Variants in DHX36 observed in about 807,000 individuals in gnomAD.
The protein encoded by DHX36 is ATP-dependent DNA/RNA helicase DHX36.
Under a neutral mutation model 139.0 loss-of-function variants are expected in DHX36, and 50 were observed. The observed-to-expected ratio is 0.36, with a 90% CI of 0.29 to 0.46. DHX36 has a LOEUF of 0.46. DHX36 is among the 20% of genes least tolerant of loss of function. DHX36 has a pLI of 1.00. For synonymous variants in DHX36, 425 were observed against 401.9 expected (o/e 1.06, Z -0.69); for missense variants, 1,024 against 1,211.3 (o/e 0.85, Z 2.29).
intron 12 of DHX36, among the ~76,000 whole-genome samples, chr3:154,296,240 C>A (rs932521868): frequency 1.3e-5 from 2 of 152,080 alleles, no homozygotes; most frequent in African/African-American, 2.4e-5. Flanking sequence ...TTTGGGAGGC[C>A]GAGGCGGGCG....
In DHX36 at chr3:154,277,539, T is replaced by C. The variant is rs532727715; in HGVS notation, c.2688+59A>G. The C allele has an allele frequency of 1.3e-5, 20 of 1,491,484 alleles. No individual in the cohort carries two copies. The African/African-American group carries it at 2.7e-4, about 20-fold the overall frequency. The allele number at this position is 1,491,484 out of a possible 1,614,324, so 92.4% of individuals were successfully genotyped here. On this transcript the variant is annotated intron_variant, in intron 23 of 24. Transcript: ENST00000496811. ...GTATATAATTGTTAAAACTACACAA[T>C]CATAAAAATACAATGAGACTGATAA...
intron 12 of DHX36, among the ~76,000 whole-genome samples, chr3:154,296,529 CAT>C (rs1175529956): frequency 6.6e-6 from 1 of 152,128 alleles, no homozygotes; most frequent in African/African-American, 2.4e-5. Context: ...ACATTTTACA[CAT>C]ATTTTGTTAA....
intron 8 of DHX36, 64 bp downstream of exon 8, chr3:154,304,742 T>C: frequency 8.1e-7 from 1 of 1,234,534 alleles, no homozygotes; most frequent in Non-Finnish European, 1.1e-6. Context: ...CCTAGTACCA[T>C]ATTAATTTTT....
chr3:154,292,726 A>AAC (rs58416816), intron 14 of DHX36, 32 bp from the exon 15 acceptor site: 40,357 of 1,512,602 alleles, frequency 0.027, 525 homozygotes, highest in East Asian at 0.15. Flanking sequence ...AAAATGTTAA[A>AAC]ACACACACAC....
At chr3:154,285,373 G>C (rs1460716102) in intron 17 of DHX36, among the ~76,000 whole-genome samples, 1 of 152,136 alleles carries the variant, frequency 6.6e-6, no homozygotes, top group Non-Finnish European at 1.5e-5. Context: ...TTTAGGTGAC[G>C]CGAGACAGAA....
intron 17 of DHX36, among the ~76,000 whole-genome samples, chr3:154,286,589 T>C (rs1362229192): frequency 1.3e-5 from 2 of 151,472 alleles, no homozygotes; most frequent in Admixed American, 6.6e-5. Flanking sequence ...TAAAGACATA[T>C]AAAACCCCAA....
chr3:154,279,487 C>T (rs1285161852), intron 22 of DHX36: 1 of 152,128 alleles, frequency 6.6e-6, no homozygotes, highest in African/African-American at 2.4e-5. Context: ...AAATTTCTGG[C>T]CAAGTATTAT....
rs774482192 is a variant in DHX36 at position 154,295,305 on chromosome 3, C to G, written c.1584G>C (p.Met528Ile). The change falls in exon 13 of 25, where the codon ATG becomes ATC. Residue 528 changes from methionine (M) to isoleucine (I), a missense_variant. By Grantham distance (10) the Met-to-Ile change is conservative (BLOSUM62 1). This residue lies in a region of DHX36 where 470 missense variants were observed against 616.2 expected (regional missense o/e 0.76). Transcript: ENST00000496811. The part of the protein sequence containing the change: ...KFLIIPLHSL[M>I]PTVNQTQVFK... ...ATACCTGTGTCTGGTTAACTGTAGG[C>G]ATCAGTGAATGTAAAGGTATAATTA... The G allele has an allele frequency of 6.5e-7, 1 of 1,546,374 alleles. No homozygotes were observed. The highest frequency in any genetic ancestry group is 8.8e-7 in the Non-Finnish European group (1 of 1,138,932).
At chr3:154,280,552 T>A (rs761583165) in intron 22 of DHX36, 27 bp downstream of exon 22, 41 of 1,483,756 alleles carry the variant, frequency 2.8e-5, no homozygotes, top group Non-Finnish European at 3.8e-5. Context: ...GAATTACGAG[T>A]AATTAATAAT....
In DHX36 at chr3:154,301,058, T is replaced by C. The variant is rs1402626875; in HGVS notation, c.1287A>G (p.Arg429=). The C allele has an allele frequency of 6.8e-6, 11 of 1,613,580 alleles. No individual in the cohort carries two copies. The highest frequency in any genetic ancestry group is 9.3e-6 in the Non-Finnish European group (11 of 1,179,916). The change falls in exon 10 of 25, where the codon AGA becomes AGG. Residue 429 remains arginine (R), a synonymous_variant. Transcript: ENST00000496811. ...TTGCTTCTTTTTCTTCTTTTTCTTGTCTATTTACATGCCCTTGCATGAAAC... is the reference window on the plus strand; with the variant it reads ...TTGCTTCTTTTTCTTCTTTTTCTTGCCTATTTACATGCCCTTGCATGAAAC... ...KRGFMQGHVN[R]QEKEEKEAIY...
At position 154,316,536 on chromosome 3, in the gene DHX36, C is replaced by T. The variant is rs111682515; in HGVS notation, c.244-373G>A. On this transcript the variant is annotated intron_variant, in intron 1 of 24. Coordinates refer to ENST00000496811, the MANE Select transcript of DHX36 (RefSeq NM_020865.3). ...AAGTTATTAAAACTCAAATGGTTTA[C>T]GAAAAAAGTTGAAAACTGGAAATAG... Among the ~76,000 whole-genome samples the T allele has an allele frequency of 1.8e-3, 267 of 151,708 alleles. 2 individuals are homozygous for T. The highest frequency in any genetic ancestry group is 6.0e-3 in the African/African-American group (248 of 41,406).
chr3:154,286,248 A>G (rs1032368302), intron 17 of DHX36, among the ~76,000 whole-genome samples: 6 of 150,966 alleles, frequency 4.0e-5, no homozygotes, highest in African/African-American at 1.2e-4. Context: ...TTTAAGAAGA[A>G]TAAGACAAGA....
At chr3:154,306,135 G>T in intron 6 of DHX36, 81 bp downstream of exon 6, 1 of 1,067,408 alleles carries the variant, frequency 9.4e-7, no homozygotes. Flanking sequence ...ATAAAAATGG[G>T]GAAAATATCC....
Position 154,276,130 on chromosome 3 carries a change from T to C in DHX36, c.*41A>G. On this transcript the variant is annotated 3_prime_UTR_variant, in exon 25 of 25. Transcript: ENST00000496811. ...CCAAAATTTAAACAATGATGAAGAA[T>C]GGCTGTCAAACTGGCTTTTCAGACC... The C allele has an allele frequency of 2.5e-6, 4 of 1,575,086 alleles. No individual in the cohort carries two copies. Among genetic ancestry groups the C allele is most frequent in the Admixed American group, 1.9e-5 (1 of 51,852 alleles).
rs2108336170 is a variant in DHX36 at position 154,284,626 on chromosome 3, T to C, written c.2249A>G (p.Lys750Arg). The C allele has an allele frequency of 1.2e-6, 2 of 1,612,918 alleles. No homozygotes were observed. The highest frequency in any genetic ancestry group is 4.5e-5 in the East Asian group (2 of 44,866). ...IADARRKELAKDTRSDHLTVV... is the reference protein window; with the variant it reads ...IADARRKELARDTRSDHLTVV... ...TGTTAAGTGATCACTTCTAGTATCCTTTGCCAATTCCTTTCTTCTTGCATC... is the reference window on the plus strand; with the variant it reads ...TGTTAAGTGATCACTTCTAGTATCCCTTGCCAATTCCTTTCTTCTTGCATC... The change falls in exon 19 of 25, where the codon AAG (lysine) becomes AGG (arginine). Residue 750 changes from lysine (K) to arginine (R), a missense_variant. Transcript: ENST00000496811.
intron 13 of DHX36, among the ~76,000 whole-genome samples, chr3:154,294,592 C>T (rs1482176902): frequency 6.6e-6 from 1 of 152,154 alleles, no homozygotes; most frequent in Non-Finnish European, 1.5e-5. Context: ...TCTCTTCTCT[C>T]AGGTATGTAC....
rs1342855371 is a variant in DHX36 at position 154,315,539 on chromosome 3, T to TCC, written c.369-261_369-260dup. 2.0e-5 allele frequency among the ~76,000 whole-genome samples: 3 copies of TCC among 152,126 alleles called. No individual in the cohort carries two copies. The East Asian group carries it at 5.8e-4, about 29-fold the overall frequency. On this transcript the variant is annotated intron_variant, in intron 2 of 24. Coordinates refer to ENST00000496811, the MANE Select transcript of DHX36 (RefSeq NM_020865.3). ...AAATAAAAATCCACAGAATAGTCAT[T>TCC]CCTTCACTGCGGTTACTTACAGTGT...
chr3:154,298,529 T>A (rs951007725), intron 12 of DHX36, among the ~76,000 whole-genome samples: 1 of 152,256 alleles, frequency 6.6e-6, no homozygotes, highest in East Asian at 1.9e-4. Context: ...TTACAGAGAA[T>A]GCTTTCAGAG....
At chr3:154,289,625 G>T in intron 16 of DHX36, 84 bp downstream of exon 16, 1 of 812,762 alleles carries the variant, frequency 1.2e-6, no homozygotes, top group South Asian at 1.6e-5. Context: ...GTTTCTTGGA[G>T]ATTAATACAG....
Sources: gnomAD v4.1 joint callset for allele counts (sites outside exome capture counted in the v4.1 genomes callset) on GRCh38, gnomAD v4.1.1 for gene constraint, gnomAD v4.1.1 regional missense constraint, MANE v1.5 for transcripts, NCBI Gene and HGNC (gene_info 2026-07-23, HGNC 2026-07-21) for gene names.